DPP6: variants seen among roughly 807,000 people sequenced by gnomAD.
DPP6 encodes dipeptidyl peptidase like 6.
A neutral mutation model predicts 122.6 loss-of-function variants in DPP6; 69 were observed. The observed-to-expected ratio is 0.56, with a 90% CI of 0.46 to 0.69. DPP6 has a LOEUF of 0.69. Among genes scored for constraint, DPP6 ranks in the 30% least tolerant of loss-of-function variants. DPP6 has a pLI of 0.00. For synonymous variants in DPP6, 418 were observed against 433.1 expected (o/e 0.97, Z 0.43); for missense variants, 928 against 1,116.9 (o/e 0.83, Z 2.41).
At chr7:154,381,026 G>T (rs1262587824) in intron 1 of DPP6, among the ~76,000 whole-genome samples, 1 of 152,170 alleles carries the variant, frequency 6.6e-6, no homozygotes, top group Non-Finnish European at 1.5e-5. Context: ...CAGTGTGCAG[G>T]CCTCTAGGGA....
intron 1 of DPP6, among the ~76,000 whole-genome samples, chr7:154,370,181 C>T (rs1362463286): frequency 6.6e-6 from 1 of 152,060 alleles, no homozygotes; most frequent in African/African-American, 2.4e-5. Context: ...CAGGGTTTCG[C>T]CATGTTGGCC....
At chr7:154,121,161 A>G (rs1290673131) in intron 1 of DPP6, among the ~76,000 whole-genome samples, 12 of 152,152 alleles carry the variant, frequency 7.9e-5, no homozygotes, top group Admixed American at 7.9e-4. Context: ...AGTCTGTTAA[A>G]CCCGTTTTCT....
In DPP6 at chr7:154,383,796, A is replaced by G. The variant is rs1276998789; in HGVS notation, c.244-62418A>G. Reference sequence around the variant, plus strand: ...TCCCAGCTACTTGGGAGGCTGAGGCATGAGAATCGCTTGAGCCCAGGAGGC... The same window carrying G: ...TCCCAGCTACTTGGGAGGCTGAGGCGTGAGAATCGCTTGAGCCCAGGAGGC... On this transcript the variant is annotated intron_variant, in intron 1 of 25. Coordinates refer to ENST00000377770, the MANE Select transcript of DPP6 (RefSeq NM_130797.4). 8.0e-5 allele frequency among the ~76,000 whole-genome samples: 12 copies of G among 150,124 alleles called. No homozygotes were observed. In the East Asian group the frequency reaches 2.0e-3, roughly 25 times the overall value.
At chr7:153,936,850 C>T (rs1257523411) in intron 1 of DPP6, among the ~76,000 whole-genome samples, 2 of 152,026 alleles carry the variant, frequency 1.3e-5, no homozygotes, top group African/African-American at 4.8e-5. Context: ...ACGCGTGACC[C>T]TTCAGTACTG....
At chr7:154,247,641 A>G (rs1334478031) in intron 1 of DPP6, among the ~76,000 whole-genome samples, 1 of 152,108 alleles carries the variant, frequency 6.6e-6, no homozygotes, top group Non-Finnish European at 1.5e-5. Context: ...ACGCTCATAC[A>G]TTCTTGGTGG....
intron 5 of DPP6, among the ~76,000 whole-genome samples, chr7:154,589,846 C>T (rs766258170): frequency 3.3e-5 from 5 of 152,164 alleles, no homozygotes; most frequent in Non-Finnish European, 7.4e-5. Context: ...CTCCGGACTT[C>T]GTAACAGCAT....
chr7:154,386,515 C>T (rs1366013940), intron 1 of DPP6, among the ~76,000 whole-genome samples: 2 of 152,048 alleles, frequency 1.3e-5, no homozygotes, highest in African/African-American at 2.4e-5. Flanking sequence ...CTTGATGAGA[C>T]ACTAAGACTG....
At chr7:154,406,793 CTGT>C (rs1816154773) in intron 1 of DPP6, among the ~76,000 whole-genome samples, 3 of 152,210 alleles carry the variant, frequency 2.0e-5, no homozygotes, top group Middle Eastern at 3.2e-3. Context: ...AAACACCATT[CTGT>C]TTTAGCTCAT....
intron 5 of DPP6, among the ~76,000 whole-genome samples, chr7:154,623,160 T>C (rs1475999090): frequency 6.6e-6 from 1 of 152,218 alleles, no homozygotes; most frequent in Non-Finnish European, 1.5e-5. Context: ...AGCAGCCTTG[T>C]AACAGTTTGC....
intron 5 of DPP6, among the ~76,000 whole-genome samples, chr7:154,573,753 G>A (rs1256195758): frequency 3.9e-5 from 6 of 152,334 alleles, no homozygotes; most frequent in Admixed American, 6.5e-5. Context: ...AGCACAATGC[G>A]TGCAGTTTCA....
intron 4 of DPP6, among the ~76,000 whole-genome samples, chr7:154,566,116 C>A (rs1408193858): frequency 6.6e-6 from 1 of 152,200 alleles, no homozygotes; most frequent in Non-Finnish European, 1.5e-5. Context: ...GGAAAAAGAG[C>A]AAGTTGCAAA....
intron 1 of DPP6, among the ~76,000 whole-genome samples, chr7:154,107,014 T>C (rs934564724): frequency 1.3e-5 from 2 of 151,690 alleles, no homozygotes; most frequent in African/African-American, 4.8e-5. Context: ...ATATGGAAAA[T>C]AGTGTGGAGG....
At chr7:154,853,870 A>G in intron 17 of DPP6, 43 bp downstream of exon 17, 8 of 1,610,144 alleles carry the variant, frequency 5.0e-6, no homozygotes, top group Non-Finnish European at 5.9e-6. Context: ...GAGACTCAGG[A>G]GAAAGGAAGC....
At chr7:154,207,076 C>T (rs749293408) in intron 1 of DPP6, among the ~76,000 whole-genome samples, 4 of 152,090 alleles carry the variant, frequency 2.6e-5, no homozygotes, top group Non-Finnish European at 4.4e-5. Context: ...TATCCAGATT[C>T]GAAGAATTTG....
At chr7:154,608,795 T>C (rs150225418) in intron 5 of DPP6, among the ~76,000 whole-genome samples, 2 of 152,314 alleles carry the variant, frequency 1.3e-5, no homozygotes, top group African/African-American at 4.8e-5. Flanking sequence ...TATTCAATAA[T>C]TGATTGCTAA....
At chr7:154,456,623 T>C (rs1008672088) in intron 2 of DPP6, among the ~76,000 whole-genome samples, 7 of 152,160 alleles carry the variant, frequency 4.6e-5, no homozygotes, top group African/African-American at 1.4e-4. Flanking sequence ...AATGTTTTCT[T>C]TTATGGCCAA....
At chr7:154,492,455 A>G in intron 3 of DPP6, among the ~76,000 whole-genome samples, 1 of 152,214 alleles carries the variant, frequency 6.6e-6, no homozygotes, top group East Asian at 1.9e-4. Context: ...GTCTGTGGCC[A>G]GGTATATATC....
chr7:153,792,941 C>T, the DPP6 span, among the ~76,000 whole-genome samples: 1 of 152,116 alleles, frequency 6.6e-6, no homozygotes, highest in Non-Finnish European at 1.5e-5. Flanking sequence ...TTTCTCTTGC[C>T]ACCGCCATGT....
intron 5 of DPP6, chr7:154,587,982 A>G (rs1346879013): frequency 1.1e-5 from 18 of 1,612,782 alleles, no homozygotes; most frequent in Middle Eastern, 1.6e-4. Context: ...AGCACTGTCC[A>G]TTGTCATACG....
Sources: gnomAD v4.1 joint callset for allele counts (sites outside exome capture counted in the v4.1 genomes callset) on GRCh38, gnomAD v4.1.1 for gene constraint, MANE v1.5 for transcripts, NCBI Gene and HGNC (gene_info 2026-07-23, HGNC 2026-07-21) for gene names.